Variants in AK1 observed in about 807,000 individuals in gnomAD.
AK1 encodes the protein adenylate kinase 1.
AK1 carries 13 observed loss-of-function variants against 23.9 expected under a neutral mutation model. The observed-to-expected ratio is 0.54, with a 90% CI of 0.35 to 0.86. AK1 has a LOEUF of 0.86. Among genes scored for constraint, AK1 ranks in the 40% least tolerant of loss-of-function variants. AK1 has a pLI of 0.01. For synonymous variants in AK1, 97 were observed against 102.8 expected (o/e 0.94, Z 0.34); for missense variants, 214 against 255.1 (o/e 0.84, Z 1.10).
In AK1 at chr9:127,871,658, A is replaced by G. The variant is rs1426495246; in HGVS notation, c.324+165T>C. 6.6e-6 allele frequency among the ~76,000 whole-genome samples: 1 copy of G among 151,394 alleles called. No individual in the cohort carries two copies. Among genetic ancestry groups the G allele is most frequent in the Non-Finnish European group, 1.5e-5 (1 of 68,010 alleles). ...CTTCCCCTTCTACACATTTTCTTCTACACTTCCAGAAAGTCTTCCTGGTTT... is the reference window on the plus strand; with the variant it reads ...CTTCCCCTTCTACACATTTTCTTCTGCACTTCCAGAAAGTCTTCCTGGTTT... On this transcript the variant is annotated intron_variant, in intron 5 of 6. Transcript: ENST00000644144. This position sits in a 1 kb window ranked among gnomAD's most constrained non-coding sequence, Gnocchi z 4.4.
Position 127,868,640 on chromosome 9 carries a change from T to G in AK1, c.325-128A>C. On this transcript the variant is annotated intron_variant, in intron 5 of 6. Transcript: ENST00000644144. This position sits in a 1 kb window ranked among gnomAD's most constrained non-coding sequence, Gnocchi z 4.1. ...CTTCAATCCCTTCCCCAAGGCAGCC[T>G]GAAAGACCTTCCTAAAACCAATCTT... 9.2e-7 allele frequency: 1 copy of G among 1,092,134 alleles called. No homozygotes were observed. Among genetic ancestry groups the G allele is most frequent in the Non-Finnish European group, 1.3e-6 (1 of 749,468 alleles). 67.7% of individuals were successfully genotyped at this position (1,092,134 alleles called of 1,614,324 possible). A position where few individuals can be genotyped will look rare whatever the true frequency, so the allele number is the denominator to read the frequency against.
rs1588616328 is a variant in AK1, at chr9:127,871,963, G to A, written c.208-24C>T. ...TCCTGGGGCACAGCAAAGGAGGAAGGGGCCATGAGCCTCTCCTCCCCATCC... is the reference window on the plus strand; with the variant it reads ...TCCTGGGGCACAGCAAAGGAGGAAGAGGCCATGAGCCTCTCCTCCCCATCC... On this transcript the variant is annotated intron_variant, in intron 4 of 6. Coordinates refer to ENST00000644144, the MANE Select transcript of AK1 (RefSeq NM_000476.3). The surrounding 1 kb of genome is among the most constrained non-coding windows in gnomAD (Gnocchi z 4.4). 3 of 1,593,902 alleles carry A rather than the reference G, an allele frequency of 1.9e-6. No individual in the cohort carries two copies. Among genetic ancestry groups the A allele is most frequent in the East Asian group, 2.2e-5 (1 of 44,790 alleles).
At chr9:127,876,005 C>G (rs918064177) in intron 1 of AK1, among the ~76,000 whole-genome samples, 2 of 152,232 alleles carry the variant, frequency 1.3e-5, no homozygotes, top group Admixed American at 1.3e-4. Context: ...ATGTGTGGCC[C>G]TCTCGGCTCC....
chr9:127,873,419 G>A (rs1008249178), intron 2 of AK1: 38 of 1,571,972 alleles, frequency 2.4e-5, no homozygotes, highest in Non-Finnish European at 3.2e-5. Flanking sequence ...CGTCTTCTCT[G>A]CGGGGGTCAC....
At chr9:127,873,981 C>T (rs1829479539) in intron 2 of AK1, 2 of 985,334 alleles carry the variant, frequency 2.0e-6, no homozygotes, top group Middle Eastern at 5.2e-4. Flanking sequence ...TCCTGTGGGC[C>T]CCTATCCCGG....
chr9:127,870,820 G>A (rs1298479283), intron 5 of AK1, among the ~76,000 whole-genome samples: 1 of 141,804 alleles, frequency 7.1e-6, no homozygotes, highest in Non-Finnish European at 1.6e-5. Context: ...CATGGGAATG[G>A]GGCATGGGAA....
Position 127,866,980 on chromosome 9 carries a change from CT to C in AK1, c.*1027del, listed in dbSNP as rs1359877257. 2.0e-5 allele frequency: 3 copies of C among 151,080 alleles called. No homozygotes were observed. Among genetic ancestry groups the C allele is most frequent in the Non-Finnish European group, 4.4e-5 (3 of 67,932 alleles). 9.4% of individuals were successfully genotyped at this position (151,080 alleles called of 1,614,324 possible). A position where few individuals can be genotyped will look rare whatever the true frequency, so the allele number is the denominator to read the frequency against. On this transcript the variant is annotated 3_prime_UTR_variant, in exon 7 of 7. Transcript: ENST00000644144. ...GGGGGAGGTCCTTCAGGTCTCACCC[CT>C]GACCATGACTCCCCCAATTCAATTT... is the stretch of plus-strand genomic sequence containing the variant.
chr9:127,873,604 T>C, intron 2 of AK1: 1 of 1,419,442 alleles, frequency 7.0e-7, no homozygotes. Flanking sequence ...GGTGGGCATG[T>C]GGAACTCTTG....
chr9:127,876,741 T>TCGTG (rs1465318667), intron 1 of AK1, among the ~76,000 whole-genome samples: 2 of 137,996 alleles, frequency 1.4e-5, no homozygotes. Context: ...ATAACTTGGG[T>TCGTG]CGTGAGGAGG....
chr9:127,874,014 T>C, intron 2 of AK1: 2 of 985,432 alleles, frequency 2.0e-6, no homozygotes, highest in Non-Finnish European at 2.4e-6. Flanking sequence ...CGCAGCCCTA[T>C]GGCTGTTGAT....
upstream of AK1, chr9:127,878,474 G>C (rs1186354482): frequency 6.6e-6 from 1 of 152,294 alleles, no homozygotes. Flanking sequence ...CCTTGCGGGA[G>C]GTTCCCTGGT....
intron 1 of AK1, chr9:127,875,154 G>T: frequency 5.0e-6 from 1 of 201,906 alleles, no homozygotes; most frequent in Non-Finnish European, 1.0e-5. Flanking sequence ...AGGGACAGAG[G>T]CCTGGGGTGA....
chr9:127,875,051 A>G, intron 1 of AK1: 1 of 249,854 alleles, frequency 4.0e-6, no homozygotes, highest in South Asian at 5.0e-5. Context: ...ACACCTTGAC[A>G]ACGCTCCCCA....
At chr9:127,872,541 G>A in intron 4 of AK1, 149 bp downstream of exon 4, 1 of 1,074,586 alleles carries the variant, frequency 9.3e-7, no homozygotes, top group Non-Finnish European at 1.4e-6. Flanking sequence ...GGAACTTTCT[G>A]TCCAGGGCAA....
In AK1 at chr9:127,871,673, C is replaced by A; in HGVS notation, c.324+150G>T. ...ATTTTCTTCTACACTTCCAGAAAGT[C>A]TTCCTGGTTTTCCTCCTCACCCACA... On this transcript the variant is annotated intron_variant, in intron 5 of 6. Transcript: ENST00000644144. This position sits in a 1 kb window ranked among gnomAD's most constrained non-coding sequence, Gnocchi z 4.4. 1.4e-6 allele frequency: 1 copy of A among 731,176 alleles called. No individual in the cohort carries two copies. The highest frequency in any genetic ancestry group is 2.5e-6 in the Non-Finnish European group (1 of 407,470). The allele number at this position is 731,176 out of a possible 1,614,324, so 45.3% of individuals were successfully genotyped here.
intron 5 of AK1, among the ~76,000 whole-genome samples, chr9:127,869,216 A>G (rs1485551494): frequency 6.6e-6 from 1 of 152,150 alleles, no homozygotes; most frequent in Admixed American, 6.5e-5. Context: ...TGCCTCGCTC[A>G]ATCCAGCTAC....
rs1237657799 is a variant in AK1 at position 127,867,470 on chromosome 9, A to C, written c.*538T>G. On this transcript the variant is annotated 3_prime_UTR_variant, in exon 7 of 7. Coordinates refer to ENST00000644144, the MANE Select transcript of AK1 (RefSeq NM_000476.3). ...CCCAACTGCCCAGGAAGCCCCACTCAGACCATGACCTTGCTGCCTGTGCAG... is the reference window on the plus strand; with the variant it reads ...CCCAACTGCCCAGGAAGCCCCACTCCGACCATGACCTTGCTGCCTGTGCAG... 1 of 160,330 alleles carries C rather than the reference A, an allele frequency of 6.2e-6. No individual in the cohort carries two copies. Among genetic ancestry groups the C allele is most frequent in the Non-Finnish European group, 1.4e-5 (1 of 72,876 alleles). The allele number at this position is 160,330 out of a possible 1,614,324, so 9.9% of individuals were successfully genotyped here.
intron 2 of AK1, 145 bp from the exon 3 acceptor site, chr9:127,873,206 G>A: frequency 1.3e-6 from 2 of 1,539,462 alleles, no homozygotes; most frequent in South Asian, 1.2e-5. Flanking sequence ...ACAAGTCACA[G>A]CCCAGAGTCA....
chr9:127,878,026 T>G (rs780237268), upstream of AK1, among the ~76,000 whole-genome samples: 6 of 152,216 alleles, frequency 3.9e-5, no homozygotes, highest in Non-Finnish European at 8.8e-5. Flanking sequence ...GAAGAGCGGC[T>G]CTTTCCGCAA....
Sources: allele counts gnomAD v4.1 joint callset (sites outside exome capture counted in the v4.1 genomes callset), GRCh38; gene constraint gnomAD v4.1.1; non-coding constraint Gnocchi (gnomAD v3.1); transcripts MANE v1.5; gene names NCBI Gene and HGNC (gene_info 2026-07-23, HGNC 2026-07-21).